SLC16A7: variants seen among roughly 807,000 people sequenced by gnomAD.
The protein encoded by SLC16A7 is monocarboxylate transporter 2.
SLC16A7 carries 33 observed loss-of-function variants against 34.9 expected under a neutral mutation model. The ratio of observed to expected loss-of-function variants is 0.94; its 90% CI spans 0.72 to 1.26. The LOEUF is 1.26. SLC16A7 is among the 50% of genes most tolerant of loss of function. The probability of loss-of-function intolerance (pLI) is 0.00; values close to 1 mark genes in which losing one functional copy is unlikely to be tolerated. For missense variants in SLC16A7, 573 were observed against 578.1 expected, an observed-to-expected ratio of 0.99 and a Z score of 0.09; for synonymous variants, 201 against 206.6, an observed-to-expected ratio of 0.97 and a Z score of 0.23.
chr12:59,741,946 G>C (rs1207430107), intron 3 of SLC16A7, among the ~76,000 whole-genome samples: 1 of 152,214 alleles, frequency 6.6e-6, no homozygotes, highest in Admixed American at 6.5e-5. Context: ...GCAAGTTTCA[G>C]AGCAGGAGTG....
At chr12:59,706,334 G>A (rs1873563975) in intron 3 of SLC16A7, among the ~76,000 whole-genome samples, 2 of 151,434 alleles carry the variant, frequency 1.3e-5, no homozygotes, top group South Asian at 2.1e-4. Context: ...GTACTACGAA[G>A]GTAAACAGTT....
chr12:59,774,546 GC>G (rs1882543906), intron 4 of SLC16A7, 110 bp from the exon 5 acceptor site: 1 of 623,212 alleles, frequency 1.6e-6, no homozygotes, highest in East Asian at 2.7e-5. Context: ...ATATGATATT[GC>G]GTTTTTAATT....
At chr12:59,710,838 A>G (rs1874143682) in intron 3 of SLC16A7, among the ~76,000 whole-genome samples, 1 of 152,196 alleles carries the variant, frequency 6.6e-6, no homozygotes, top group African/African-American at 2.4e-5. Flanking sequence ...ATGTTCATGT[A>G]TACAAATCAG....
intron 1 of SLC16A7, among the ~76,000 whole-genome samples, chr12:59,608,626 T>C (rs896391616): frequency 2.0e-5 from 3 of 152,178 alleles, no homozygotes; most frequent in African/African-American, 7.2e-5. Flanking sequence ...TACAGGAGGA[T>C]TTATAGACAT....
chr12:59,746,474 T>G (rs2137304580), intron 3 of SLC16A7, among the ~76,000 whole-genome samples: 1 of 152,344 alleles, frequency 6.6e-6, no homozygotes, highest in South Asian at 2.1e-4. Flanking sequence ...AATCTACAAT[T>G]TTTAATTTGG....
chr12:59,776,042 C>T (rs952541826), intron 5 of SLC16A7, among the ~76,000 whole-genome samples: 1 of 152,128 alleles, frequency 6.6e-6, no homozygotes, highest in Non-Finnish European at 1.5e-5. Context: ...GAGGGCCACT[C>T]ATGTTCCATG....
At chr12:59,692,544 G>A (rs1324231630) in intron 2 of SLC16A7, among the ~76,000 whole-genome samples, 2 of 151,936 alleles carry the variant, frequency 1.3e-5, no homozygotes, top group Non-Finnish European at 2.9e-5. Flanking sequence ...TTGGATTTGG[G>A]GATGTTCAAC....
At chr12:59,744,864 G>A (rs1878723032) in intron 3 of SLC16A7, among the ~76,000 whole-genome samples, 1 of 152,098 alleles carries the variant, frequency 6.6e-6, no homozygotes, top group African/African-American at 2.4e-5. Context: ...ACTCCCTCTT[G>A]CGAGGGGTGA....
chr12:59,626,527 C>T (rs1879937892), intron 1 of SLC16A7, among the ~76,000 whole-genome samples: 1 of 151,840 alleles, frequency 6.6e-6, no homozygotes, highest in East Asian at 1.9e-4. Flanking sequence ...GCCTCAGGCA[C>T]TTTAAGTGAC....
intron 1 of SLC16A7, among the ~76,000 whole-genome samples, chr12:59,617,355 G>T (rs1879500748): frequency 1.3e-5 from 2 of 151,930 alleles, no homozygotes; most frequent in Non-Finnish European, 1.5e-5. Flanking sequence ...CAATTGCTAG[G>T]TTTAGAAATT....
intron 1 of SLC16A7, among the ~76,000 whole-genome samples, chr12:59,613,310 C>G (rs1879287262): frequency 6.6e-6 from 1 of 152,154 alleles, no homozygotes; most frequent in African/African-American, 2.4e-5. Flanking sequence ...GGAAACCACC[C>G]CATGGTTAAA....
intron 2 of SLC16A7, among the ~76,000 whole-genome samples, chr12:59,688,941 A>T (rs1047971617): frequency 2.6e-5 from 4 of 152,070 alleles, no homozygotes; most frequent in African/African-American, 9.7e-5. Context: ...TTATGCCATT[A>T]TAGTGGTATT....
chr12:59,763,062 TA>T lies in SLC16A7; in HGVS notation c.218-8153del, dbSNP rs1193833045. 7.2e-5 allele frequency among the ~76,000 whole-genome samples: 11 copies of T among 152,210 alleles called. No homozygotes were observed. The South Asian group carries it at 2.1e-3, about 29-fold the overall frequency. ...TTCTGGGATCATAAGACTACATGGTTAAAATATTCTATTATACTTTTATAGC... is the reference window on the plus strand; with the variant it reads ...TTCTGGGATCATAAGACTACATGGTTAAATATTCTATTATACTTTTATAGC... On this transcript the variant is annotated intron_variant, in intron 3 of 5. Coordinates refer to ENST00000547379, the MANE Select transcript of SLC16A7 (RefSeq NM_001270623.2).
chr12:59,779,368 A>G, intron 5 of SLC16A7, 55 bp from the exon 6 acceptor site: 1 of 1,301,144 alleles, frequency 7.7e-7, no homozygotes, highest in Non-Finnish European at 1.1e-6. Flanking sequence ...TTGAATTTTT[A>G]TCATTATATG....
At chr12:59,754,186 A>C (rs1261077038) in intron 3 of SLC16A7, among the ~76,000 whole-genome samples, 4 of 152,182 alleles carry the variant, frequency 2.6e-5, no homozygotes, top group Non-Finnish European at 5.9e-5. Context: ...CTAACATATC[A>C]ATTAAAAGAA....
At chr12:59,734,060 A>C in intron 3 of SLC16A7, 1 of 281,562 alleles carries the variant, frequency 3.6e-6, no homozygotes, top group Non-Finnish European at 7.2e-6. Flanking sequence ...ACTACCCAGA[A>C]CTGACAGTCT....
At chr12:59,636,191 C>T (rs17122764) in intron 1 of SLC16A7, among the ~76,000 whole-genome samples, 12,737 of 151,958 alleles carry the variant, frequency 0.084, 729 homozygotes, top group African/African-American at 0.15. Context: ...TTTACACTTA[C>T]GATATTTGAA....
rs1195169287 is a variant in SLC16A7 at position 59,786,965 on chromosome 12, T to G, written c.*7286T>G. On this transcript the variant is annotated 3_prime_UTR_variant, in exon 6 of 6. Coordinates refer to ENST00000547379, the MANE Select transcript of SLC16A7 (RefSeq NM_001270623.2). Reference sequence around the variant, plus strand: ...GCAAAATCATGTTTGCAAACTTACTTTGAAGACTATTTCCTGATTGCCACG... The same window carrying G: ...GCAAAATCATGTTTGCAAACTTACTGTGAAGACTATTTCCTGATTGCCACG... 1 of 152,212 alleles carries G rather than the reference T, an allele frequency of 6.6e-6. No individual in the cohort carries two copies. Among genetic ancestry groups the G allele is most frequent in the African/African-American group, 2.4e-5 (1 of 41,472 alleles). 9.4% of individuals were successfully genotyped at this position (152,212 alleles called of 1,614,324 possible).
rs1399056291 is a variant in SLC16A7, at chr12:59,784,367, G to A, written c.*4688G>A. 6.6e-6 allele frequency: 1 copy of A among 151,164 alleles called. No individual in the cohort carries two copies. Among genetic ancestry groups the A allele is most frequent in the Non-Finnish European group, 1.5e-5 (1 of 67,906 alleles). 9.4% of individuals were successfully genotyped at this position (151,164 alleles called of 1,614,324 possible). A position where few individuals can be genotyped will look rare whatever the true frequency, so the allele number is the denominator to read the frequency against. Reference sequence around the variant, plus strand: ...AGCCTAGGCAATAGAGTGAGAATCTGTCTCTATTAAAAAAAAAATAAAATG... The same window carrying A: ...AGCCTAGGCAATAGAGTGAGAATCTATCTCTATTAAAAAAAAAATAAAATG... On this transcript the variant is annotated 3_prime_UTR_variant, in exon 6 of 6. Coordinates refer to ENST00000547379, the MANE Select transcript of SLC16A7 (RefSeq NM_001270623.2).
Sources: allele counts gnomAD v4.1 joint callset (sites outside exome capture counted in the v4.1 genomes callset), GRCh38; gene constraint gnomAD v4.1.1; transcripts MANE v1.5; gene names NCBI Gene and HGNC (gene_info 2026-07-23, HGNC 2026-07-21).